TAOK2: variants seen among roughly 807,000 people sequenced by gnomAD.
The protein encoded by TAOK2 is serine/threonine-protein kinase TAO2.
In TAOK2, 42 loss-of-function variants were observed where a neutral mutation model predicts 122.5. That is an observed-to-expected ratio of 0.34 (90% CI 0.27 to 0.44). The LOEUF is 0.44. Among genes scored for constraint, TAOK2 ranks in the 20% least tolerant of loss-of-function variants. The pLI, the probability that TAOK2 is intolerant of heterozygous loss-of-function variation, is 1.00. For missense variants in TAOK2, 1,264 were observed against 1,644.9 expected, an observed-to-expected ratio of 0.77 and a Z score of 4.01; for synonymous variants, 704 against 677.6, an observed-to-expected ratio of 1.04 and a Z score of -0.61.
downstream of TAOK2, chr16:29,989,890 A>G (rs771042089): frequency 2.8e-6 from 4 of 1,417,934 alleles, no homozygotes; most frequent in Non-Finnish European, 3.9e-6. Flanking sequence ...CAGGGCATGC[A>G]CAGAGCTGGG....
chr16:29,985,168 A>G lies in TAOK2; in HGVS notation c.1423-45A>G, dbSNP rs2150899482. The G allele has an allele frequency of 6.8e-7, 1 of 1,466,292 alleles. No individual in the cohort carries two copies. The highest frequency in any genetic ancestry group is 1.6e-5 in the South Asian group (1 of 63,960). 90.8% of individuals were successfully genotyped at this position (1,466,292 alleles called of 1,614,324 possible). A position where few individuals can be genotyped will look rare whatever the true frequency, so the allele number is the denominator to read the frequency against. ...GGAAGACCCCTTGTGTTAATTAACT[A>G]GGGGCCAGGCTGAGCCCCAGCTCTC... is the stretch of plus-strand genomic sequence containing the variant. On this transcript the variant is annotated intron_variant, in intron 13 of 15. Transcript: ENST00000308893. The surrounding 1 kb of genome is among the most constrained non-coding windows in gnomAD (Gnocchi z 6.9).
In TAOK2 at chr16:29,988,371, A is replaced by T; in HGVS notation, c.*391A>T. On this transcript the variant is annotated 3_prime_UTR_variant, in exon 16 of 16. Transcript: ENST00000308893. Reference sequence around the variant, plus strand: ...CCACCAAAAAAAGAAAAAGACAAACACAAATAAAATATCTGAGCGGAACTG... The same window carrying T: ...CCACCAAAAAAAGAAAAAGACAAACTCAAATAAAATATCTGAGCGGAACTG... The T allele has an allele frequency of 7.5e-7, 1 of 1,335,446 alleles. No individual in the cohort carries two copies. Among genetic ancestry groups the T allele is most frequent in the Non-Finnish European group, 9.8e-7 (1 of 1,019,602 alleles). 82.7% of individuals were successfully genotyped at this position (1,335,446 alleles called of 1,614,324 possible).
At position 29,986,846 on chromosome 16, in the gene TAOK2, G is replaced by C. The variant is rs2069815498; in HGVS notation, c.2574G>C (p.Glu858Asp). 1 of 1,614,072 alleles carries C rather than the reference G, an allele frequency of 6.2e-7. No individual in the cohort carries two copies. Among genetic ancestry groups the C allele is most frequent in the Middle Eastern group, 1.7e-4 (1 of 6,060 alleles). Residue 858 changes from glutamate (E) to aspartate (D), a missense_variant, in exon 16 of 16, where the codon GAG becomes GAC. By Grantham distance (45) the Glu-to-Asp change is conservative. This residue lies in a region of TAOK2 where 824 missense variants were observed against 908.7 expected (regional missense o/e 0.91). Coordinates refer to ENST00000308893, the MANE Select transcript of TAOK2 (RefSeq NM_016151.4). This position sits in a 1 kb window ranked among gnomAD's most constrained non-coding sequence, Gnocchi z 4.2. The stretch of plus-strand genomic sequence containing the variant: ...GGGTGCCCTCCCTTGTACCCCAGGA[G>C]AGGAGCATTGTTGGCCAGGAGGAGG... Reference protein sequence around the residue: ...ELRVPSLVPQERSIVGQEEAG... With the variant: ...ELRVPSLVPQDRSIVGQEEAG...
rs779135850 is a variant in TAOK2, at chr16:29,987,271, G to T, written c.2999G>T (p.Gly1000Val). 5 of 1,527,804 alleles carry T rather than the reference G, an allele frequency of 3.3e-6. No individual in the cohort carries two copies. Among genetic ancestry groups the T allele is most frequent in the Non-Finnish European group, 1.8e-6 (2 of 1,142,246 alleles). 94.6% of individuals were successfully genotyped at this position (1,527,804 alleles called of 1,614,324 possible). The change falls in exon 16 of 16, where the codon GGG (glycine) becomes GTG (valine). Residue 1000 changes from glycine to valine, a missense_variant. By Grantham distance (109) the Gly-to-Val change is moderately radical (BLOSUM62 -3). Coordinates refer to ENST00000308893, the MANE Select transcript of TAOK2 (RefSeq NM_016151.4). ...CTTGAGGTGGGGCTGGTGGGTCTGG[G>T]GGCCTCCTACCTGCTCCTTTGTACA... ...LALEVGLVGL[G>V]ASYLLLCTAL...
At position 29,987,701 on chromosome 16, in the gene TAOK2, A is replaced by G. The variant is rs904703850; in HGVS notation, c.3429A>G (p.Pro1143=). The change falls in exon 16 of 16, where the codon CCA becomes CCG. Residue 1143 remains proline, a synonymous_variant. Coordinates refer to ENST00000308893, the MANE Select transcript of TAOK2 (RefSeq NM_016151.4). ...RRRNPRTTQH[P]LALLARVWVL... is the part of the protein sequence containing the mutation. ...GTAATCCCCGCACCACCCAACACCC[A>G]TTAGCTCTGTTGGCAAGGGTCTGGG... 6.2e-7 allele frequency: 1 copy of G among 1,614,054 alleles called. No homozygotes were observed. Among genetic ancestry groups the G allele is most frequent in the Non-Finnish European group, 8.5e-7 (1 of 1,179,950 alleles).
chr16:29,982,440 G>A (rs1312106121), intron 10 of TAOK2, among the ~76,000 whole-genome samples: 1 of 152,186 alleles, frequency 6.6e-6, no homozygotes, highest in African/African-American at 2.4e-5. Context: ...AGCCCAGAGG[G>A]GCCTCATGAC....
In TAOK2 at chr16:29,987,791, C is replaced by A. The variant is rs765388827; in HGVS notation, c.3519C>A (p.Pro1173=). ...RASQGLASHL[P]PWAIHTLASW... ...GCCAGGGTTTAGCATCCCACTTGCC[C>A]CCGTGGGCCATCCACACACTGGCCA... Residue 1173 remains proline (P), a synonymous_variant, in exon 16 of 16, where the codon CCC becomes CCA. Coordinates refer to ENST00000308893, the MANE Select transcript of TAOK2 (RefSeq NM_016151.4). 1 of 1,613,862 alleles carries A rather than the reference C, an allele frequency of 6.2e-7. No individual in the cohort carries two copies. Among genetic ancestry groups the A allele is most frequent in the South Asian group, 1.1e-5 (1 of 91,088 alleles).
chr16:29,978,683 C>T (rs967200326), intron 4 of TAOK2, 116 bp from the exon 5 acceptor site: 17 of 1,202,600 alleles, frequency 1.4e-5, no homozygotes, highest in African/African-American at 4.5e-5. Flanking sequence ...TCTCCAGTTG[C>T]GCTTCCTCCC....
chr16:29,989,740 C>T (rs929018036), downstream of TAOK2: 1 of 1,613,858 alleles, frequency 6.2e-7, no homozygotes, highest in Non-Finnish European at 8.5e-7. Flanking sequence ...AGAGCAGACC[C>T]GCAAGCTGGC....
intron 13 of TAOK2, 129 bp downstream of exon 13, chr16:29,983,793 C>T: frequency 7.3e-7 from 1 of 1,364,256 alleles, no homozygotes. Flanking sequence ...GTTGCTGGCT[C>T]CTGCCTGCTC....
chr16:29,983,385 G>T, intron 12 of TAOK2, 53 bp downstream of exon 12: 3 of 1,562,148 alleles, frequency 1.9e-6, no homozygotes, highest in South Asian at 2.4e-5. Flanking sequence ...AACTGCCTGG[G>T]TCTTCGCCCT....
chr16:29,986,809 T>G lies in TAOK2; in HGVS notation c.2537T>G (p.Ile846Arg). 1 of 1,613,888 alleles carries G rather than the reference T, an allele frequency of 6.2e-7. No homozygotes were observed. The highest frequency in any genetic ancestry group is 8.5e-7 in the Non-Finnish European group (1 of 1,179,896). Residue 846 changes from isoleucine to arginine, a missense_variant, in exon 16 of 16, where the codon ATA becomes AGA. Transcript: ENST00000308893. This position sits in a 1 kb window ranked among gnomAD's most constrained non-coding sequence, Gnocchi z 4.2. The stretch of plus-strand genomic sequence containing the variant: ...GAAGTTTGGGGTCTGCCTGAGGAGA[T>G]AGAGGAGCTTAGGGTGCCCTCCCTT... ...DEEVWGLPEE[I>R]EELRVPSLVP...
Position 29,985,377 on chromosome 16 carries a change from G to A in TAOK2, c.1587G>A (p.Glu529=). ...GTGCACGGCTGCAGCGGGAGCTTGA[G>A]GCGCAGCGGGCTGGCTTTGGGGCAG... ...EHSARLQREL[E]AQRAGFGAEA... The change falls in exon 14 of 16, where the codon GAG becomes GAA. Residue 529 remains glutamate, a synonymous_variant. Coordinates refer to ENST00000308893, the MANE Select transcript of TAOK2 (RefSeq NM_016151.4). This position sits in a 1 kb window ranked among gnomAD's most constrained non-coding sequence, Gnocchi z 6.9. 6.2e-7 allele frequency: 1 copy of A among 1,610,086 alleles called. No homozygotes were observed.
At chr16:29,988,893 G>A (rs1468815838), downstream of TAOK2, 6 of 985,246 alleles carry the variant, frequency 6.1e-6, no homozygotes, top group African/African-American at 3.5e-5. Context: ...GTGAGGGGCC[G>A]GGCTGGAATG....
At chr16:29,982,559 AG>A (rs1469178259) in intron 10 of TAOK2, among the ~76,000 whole-genome samples, 174 bp from the exon 11 acceptor site, 20 of 129,850 alleles carry the variant, frequency 1.5e-4, no homozygotes, top group African/African-American at 5.1e-4. Flanking sequence ...CTGTCTGGGG[AG>A]TAGGTACTGG....
At chr16:29,989,829 G>C, downstream of TAOK2, 3 of 1,608,684 alleles carry the variant, frequency 1.9e-6, no homozygotes, top group Non-Finnish European at 2.5e-6. Context: ...TCCAGGGAGG[G>C]AGTGCGCTAG....
intron 12 of TAOK2, 45 bp from the exon 13 acceptor site, chr16:29,983,458 C>G: frequency 6.3e-7 from 1 of 1,579,266 alleles, no homozygotes; most frequent in South Asian, 1.2e-5. Flanking sequence ...TCTCTTTGGA[C>G]CCAGTGGCCT....
At chr16:29,990,025 A>G, downstream of TAOK2, 1 of 538,608 alleles carries the variant, frequency 1.9e-6, no homozygotes. Flanking sequence ...TGACAAAGCC[A>G]TGTGCCTATT....
chr16:29,988,207 T>C lies in TAOK2; in HGVS notation c.*227T>C. The stretch of plus-strand genomic sequence containing the variant: ...CGCTCCTCCCCTAAGTTATTGCTGT[T>C]CGCCCGCTGTGTGTGCTCATCCTCA... On this transcript the variant is annotated 3_prime_UTR_variant, in exon 16 of 16. Transcript: ENST00000308893. 1 of 1,433,358 alleles carries C rather than the reference T, an allele frequency of 7.0e-7. No homozygotes were observed. The highest frequency in any genetic ancestry group is 1.5e-5 in the South Asian group (1 of 66,586). 88.8% of individuals were successfully genotyped at this position (1,433,358 alleles called of 1,614,324 possible). A position where few individuals can be genotyped will look rare whatever the true frequency, so the allele number is the denominator to read the frequency against.
Sources: gnomAD v4.1 joint callset for allele counts (sites outside exome capture counted in the v4.1 genomes callset) on GRCh38, gnomAD v4.1.1 for gene constraint, gnomAD v4.1.1 regional missense constraint, Gnocchi (gnomAD v3.1) non-coding constraint, MANE v1.5 for transcripts, NCBI Gene and HGNC (gene_info 2026-07-23, HGNC 2026-07-21) for gene names.